Variants in RNF150 observed in about 807,000 individuals in gnomAD.
The protein encoded by RNF150 is ring finger protein 150.
In RNF150, 24 loss-of-function variants were observed where a neutral mutation model predicts 39.3. That is an observed-to-expected ratio of 0.61 (90% CI 0.44 to 0.86). The LOEUF is 0.86. RNF150 is among the 40% of genes least tolerant of loss of function. RNF150 has a pLI of 0.00. For synonymous variants in RNF150, 255 were observed against 227.3 expected, an observed-to-expected ratio of 1.12 and a Z score of -1.10; for missense variants, 502 against 587.8, an observed-to-expected ratio of 0.85 and a Z score of 1.51.
chr4:140,948,615 A>G (rs1045564718), intron 3 of RNF150, among the ~76,000 whole-genome samples: 3 of 152,074 alleles, frequency 2.0e-5, no homozygotes, highest in African/African-American at 7.2e-5. Flanking sequence ...TTAAAAAAAA[A>G]TTTTATAGAG....
chr4:141,060,974 A>C (rs912116679), intron 1 of RNF150, among the ~76,000 whole-genome samples: 4 of 151,974 alleles, frequency 2.6e-5, no homozygotes, highest in Admixed American at 2.6e-4. Flanking sequence ...AACATCACAC[A>C]CTGGGGCCTT....
intron 1 of RNF150, among the ~76,000 whole-genome samples, chr4:141,152,498 T>A (rs1317807762): frequency 1.3e-5 from 2 of 152,200 alleles, no homozygotes; most frequent in African/African-American, 4.8e-5. Context: ...GTGCCATCCA[T>A]GTATTTATTT....
At chr4:141,008,880 T>C (rs1734964018) in intron 1 of RNF150, among the ~76,000 whole-genome samples, 1 of 152,142 alleles carries the variant, frequency 6.6e-6, no homozygotes, top group Non-Finnish European at 1.5e-5. Flanking sequence ...TTATCCAGGT[T>C]ATCCTAAGCG....
intron 1 of RNF150, among the ~76,000 whole-genome samples, chr4:141,066,278 A>G (rs1322701492): frequency 6.6e-6 from 1 of 152,028 alleles, no homozygotes; most frequent in Non-Finnish European, 1.5e-5. Context: ...TTTTCACACT[A>G]TCAATTATAC....
intron 1 of RNF150, among the ~76,000 whole-genome samples, chr4:141,179,527 T>A (rs951960444): frequency 6.6e-6 from 1 of 152,202 alleles, no homozygotes; most frequent in East Asian, 1.9e-4. Context: ...CTTTCACAAC[T>A]GCTTAAACCC....
intron 1 of RNF150, among the ~76,000 whole-genome samples, chr4:140,994,627 G>A (rs1034871932): frequency 6.6e-6 from 1 of 152,120 alleles, no homozygotes; most frequent in African/African-American, 2.4e-5. Flanking sequence ...AGTAAGATCT[G>A]AAGAATGAGG....
intron 5 of RNF150, among the ~76,000 whole-genome samples, chr4:140,917,282 A>G (rs189271220): frequency 6.6e-6 from 1 of 152,324 alleles, no homozygotes; most frequent in Non-Finnish European, 1.5e-5. Flanking sequence ...AGCGTGCTAT[A>G]TTCAGGAAAC....
intron 1 of RNF150, among the ~76,000 whole-genome samples, chr4:141,025,492 A>C (rs1294380718): frequency 1.3e-5 from 2 of 152,308 alleles, no homozygotes; most frequent in East Asian, 3.9e-4. Context: ...TGCTTAAAAA[A>C]GTACTCAAAG....
chr4:141,179,433 A>C lies in RNF150; in HGVS notation c.-6+33361T>G, dbSNP rs148683900. Among the ~76,000 whole-genome samples, 3 of 152,334 alleles carry C rather than the reference A, an allele frequency of 2.0e-5. No individual in the cohort carries two copies. The East Asian group carries it at 5.8e-4, about 29-fold the overall frequency. On this transcript the variant is annotated intron_variant, in intron 1 of 7. Coordinates refer to the RNF150 transcript ENST00000420921. ...AAGAAAAGTTCATTTGATTGTATAA[A>C]TATTCTGTATTCTTTTGAAGGCAAA... is the stretch of plus-strand genomic sequence containing the variant.
At chr4:141,008,765 C>G (rs1027109507) in intron 1 of RNF150, among the ~76,000 whole-genome samples, 5 of 152,038 alleles carry the variant, frequency 3.3e-5, no homozygotes, top group East Asian at 1.9e-4. Flanking sequence ...CTCTGTCTAC[C>G]CTTGCACCAA....
intron 2 of RNF150, among the ~76,000 whole-genome samples, chr4:140,951,131 C>A (rs1176882139): frequency 6.6e-6 from 1 of 152,138 alleles, no homozygotes; most frequent in African/African-American, 2.4e-5. Flanking sequence ...CTAGATGTAT[C>A]CAACAAGATC....
chr4:140,972,736 G>A (rs961598834), intron 1 of RNF150, among the ~76,000 whole-genome samples: 6 of 152,144 alleles, frequency 3.9e-5, no homozygotes, highest in African/African-American at 1.4e-4. Flanking sequence ...TTCAGATGGA[G>A]AGACATGAGC....
intron 1 of RNF150, among the ~76,000 whole-genome samples, chr4:141,076,074 C>A (rs1170998627): frequency 6.6e-6 from 1 of 152,096 alleles, no homozygotes; most frequent in Non-Finnish European, 1.5e-5. Context: ...TACATTAAAA[C>A]ATTACATATC....
chr4:141,155,756 C>T (rs529949723), intron 1 of RNF150, among the ~76,000 whole-genome samples: 9 of 152,244 alleles, frequency 5.9e-5, no homozygotes, highest in Non-Finnish European at 1.0e-4. Context: ...ACAGCCAGAA[C>T]GAGTCCATGG....
chr4:140,967,150 T>C (rs1196339551), intron 2 of RNF150, among the ~76,000 whole-genome samples: 1 of 152,134 alleles, frequency 6.6e-6, no homozygotes, highest in Non-Finnish European at 1.5e-5. Flanking sequence ...AGGAACTGGG[T>C]AGCTGAGAGA....
At chr4:140,962,415 G>GTA (rs1046150619) in intron 2 of RNF150, among the ~76,000 whole-genome samples, 6 of 150,950 alleles carry the variant, frequency 4.0e-5, no homozygotes, top group African/African-American at 1.2e-4. Flanking sequence ...ATGAAGATGT[G>GTA]TATATATATA....
At chr4:140,873,242 G>A (rs1729016609) in intron 6 of RNF150, among the ~76,000 whole-genome samples, 1 of 152,204 alleles carries the variant, frequency 6.6e-6, no homozygotes, top group African/African-American at 2.4e-5. Context: ...ACCACTGGTG[G>A]GAGCTGAGAA....
intron 1 of RNF150, among the ~76,000 whole-genome samples, chr4:141,021,700 C>G (rs555619056): frequency 6.6e-6 from 1 of 152,250 alleles, no homozygotes; most frequent in South Asian, 2.1e-4. Flanking sequence ...TTTCCAAATG[C>G]TTTAATCATT....
At chr4:141,067,631 T>A (rs1412106651) in intron 1 of RNF150, among the ~76,000 whole-genome samples, 4 of 152,208 alleles carry the variant, frequency 2.6e-5, no homozygotes, top group Admixed American at 2.6e-4. Flanking sequence ...TTGTTCCTAA[T>A]GATCTACATT....
Sources: gnomAD v4.1 joint callset for allele counts (sites outside exome capture counted in the v4.1 genomes callset) on GRCh38, gnomAD v4.1.1 for gene constraint, MANE v1.5 for transcripts, NCBI Gene and HGNC (gene_info 2026-07-23, HGNC 2026-07-21) for gene names.